The following ARV1 variants were observed in gnomAD, a reference collection of about 807,000 sequenced individuals.
ARV1 encodes the protein protein ARV1.
A neutral mutation model predicts 31.1 loss-of-function variants in ARV1; 26 were observed. The observed-to-expected ratio is 0.84, with a 90% CI of 0.61 to 1.16. ARV1 has a LOEUF of 1.16. Ranked by LOEUF, ARV1 falls within the 50% of genes most tolerant of loss-of-function variation. ARV1 has a pLI of 0.00. For missense variants in ARV1, 281 were observed against 324.9 expected (o/e 0.86, Z 1.04); for synonymous variants, 117 against 123.2 (o/e 0.95, Z 0.34).
chr1:230,983,111 C>T (rs11122177), intron 1 of ARV1, among the ~76,000 whole-genome samples: 55,402 of 151,888 alleles, frequency 0.36, 10,406 homozygotes, highest in Middle Eastern at 0.6. Context: ...ATTATAAGTA[C>T]GCTTAAAGAT....
chr1:230,998,745 GAAAA>G (rs75089395), intron 5 of ARV1, among the ~76,000 whole-genome samples: 1 of 135,746 alleles, frequency 7.4e-6, no homozygotes, highest in Non-Finnish European at 1.6e-5. Context: ...ATCTTTACAG[GAAAA>G]AAAAAAAAAA....
At chr1:230,999,376 T>C (rs962598388) in intron 5 of ARV1, among the ~76,000 whole-genome samples, 1 of 152,208 alleles carries the variant, frequency 6.6e-6, no homozygotes, top group African/African-American at 2.4e-5. Flanking sequence ...CTGCAACCCA[T>C]ACTGCTGCCA....
At chr1:230,993,725 T>C (rs1679290488) in intron 3 of ARV1, among the ~76,000 whole-genome samples, 1 of 152,022 alleles carries the variant, frequency 6.6e-6, no homozygotes, top group Admixed American at 6.6e-5. Flanking sequence ...CAATATTCTG[T>C]CTCTACAAAA....
intron 2 of ARV1, among the ~76,000 whole-genome samples, chr1:230,989,076 T>C (rs188067850): frequency 4.6e-5 from 7 of 152,344 alleles, no homozygotes. Flanking sequence ...AACATACTTA[T>C]ACAATAAAAA....
chr1:230,986,631 G>A (rs1183200363), intron 1 of ARV1, among the ~76,000 whole-genome samples: 2 of 129,944 alleles, frequency 1.5e-5, no homozygotes, highest in East Asian at 5.0e-4. Flanking sequence ...ACACGTTTCT[G>A]TTCGTGCCTT....
chr1:230,997,138 C>G lies in ARV1; in HGVS notation c.691C>G (p.Arg231Gly). 6.2e-7 allele frequency: 1 copy of G among 1,614,052 alleles called. No homozygotes were observed. Reference sequence around the variant, plus strand: ...CTTTCCAGTGACCCTAAACATCAACCGTAAGCTCTCCTTCTTGGCCGTGTT... The same window carrying G: ...CTTTCCAGTGACCCTAAACATCAACGGTAAGCTCTCCTTCTTGGCCGTGTT... ...QAIRVTLNINRKLSFLAVLSG... is the reference protein window; with the variant it reads ...QAIRVTLNINGKLSFLAVLSG... The change falls in exon 5 of 6, where the codon CGT becomes GGT. Residue 231 changes from arginine (R) to glycine (G), a missense_variant. By Grantham distance (125) the Arg-to-Gly change is moderately radical. Coordinates refer to ENST00000310256, the MANE Select transcript of ARV1 (RefSeq NM_022786.3).
At chr1:230,981,952 T>C (rs1678922262) in intron 1 of ARV1, among the ~76,000 whole-genome samples, 4 of 152,098 alleles carry the variant, frequency 2.6e-5, no homozygotes, top group African/African-American at 9.7e-5. Flanking sequence ...TCTCAGAGAG[T>C]CTACTCTGAC....
At chr1:230,984,215 A>C (rs1156516822) in intron 1 of ARV1, among the ~76,000 whole-genome samples, 1 of 152,180 alleles carries the variant, frequency 6.6e-6, no homozygotes, top group East Asian at 1.9e-4. Context: ...CTGCCACTGC[A>C]CTCCAGGCCT....
intron 3 of ARV1, among the ~76,000 whole-genome samples, chr1:230,993,628 C>T (rs1679288255): frequency 6.6e-6 from 1 of 152,136 alleles, no homozygotes; most frequent in Non-Finnish European, 1.5e-5. Flanking sequence ...GGCGTGGTAC[C>T]TCACACCTGT....
At chr1:230,999,201 A>G (rs1416176990) in intron 5 of ARV1, among the ~76,000 whole-genome samples, 2 of 152,124 alleles carry the variant, frequency 1.3e-5, no homozygotes, top group Non-Finnish European at 2.9e-5. Context: ...CGGTCCTGCC[A>G]TTACCTCAAG....
intron 3 of ARV1, among the ~76,000 whole-genome samples, chr1:230,993,145 C>T (rs1421438502): frequency 1.3e-5 from 2 of 152,114 alleles, no homozygotes; most frequent in Non-Finnish European, 2.9e-5. Flanking sequence ...GGCTAGGGTG[C>T]AGTGGCACAG....
intron 1 of ARV1, among the ~76,000 whole-genome samples, chr1:230,987,348 A>G (rs1203619349): frequency 6.6e-6 from 1 of 152,272 alleles, no homozygotes; most frequent in Non-Finnish European, 1.5e-5. Context: ...AAACTGCAGA[A>G]AGCAAAACTG....
chr1:230,986,666 CTATTTTTTTTTTTTTTTTTTTTTTT>C (rs1405588967), intron 1 of ARV1, among the ~76,000 whole-genome samples: 2 of 79,690 alleles, frequency 2.5e-5, no homozygotes, highest in African/African-American at 8.7e-5. Flanking sequence ...AATACTTTTC[CTATTTTTTTTTTTTTTTTTTTTTTT>C]TTTTTTTTTT....
At chr1:230,989,821 A>G (rs1054472121) in intron 2 of ARV1, among the ~76,000 whole-genome samples, 1 of 152,224 alleles carries the variant, frequency 6.6e-6, no homozygotes, top group African/African-American at 2.4e-5. Flanking sequence ...GCACATTAGA[A>G]TCCCCCCAGA....
At chr1:230,998,976 C>T (rs1679453483) in intron 5 of ARV1, among the ~76,000 whole-genome samples, 1 of 152,166 alleles carries the variant, frequency 6.6e-6, no homozygotes, top group Non-Finnish European at 1.5e-5. Flanking sequence ...CCTCCCTTAG[C>T]TCTGCTCCAG....
chr1:230,995,081 TA>T (rs1330456904), intron 3 of ARV1, among the ~76,000 whole-genome samples: 3 of 152,160 alleles, frequency 2.0e-5, no homozygotes, highest in African/African-American at 7.2e-5. Context: ...ACAATCCTAA[TA>T]AAAATTACAG....
intron 1 of ARV1, among the ~76,000 whole-genome samples, chr1:230,985,190 C>A (rs1679031249): frequency 6.6e-6 from 1 of 151,786 alleles, no homozygotes; most frequent in Admixed American, 6.6e-5. Context: ...TTAATGACTT[C>A]TCAGCATTTA....
At chr1:230,998,601 A>G (rs2103058712) in intron 5 of ARV1, among the ~76,000 whole-genome samples, 1 of 152,106 alleles carries the variant, frequency 6.6e-6, no homozygotes, top group East Asian at 1.9e-4. Context: ...TCTTGAACCT[A>G]TGCTCCTAAA....
intron 3 of ARV1, among the ~76,000 whole-genome samples, chr1:230,994,006 T>A (rs768748219): frequency 2.6e-5 from 4 of 152,210 alleles, no homozygotes; most frequent in Non-Finnish European, 5.9e-5. Flanking sequence ...AGGTTAGGGG[T>A]TCCCCCATCT....
Sources: allele counts gnomAD v4.1 joint callset (sites outside exome capture counted in the v4.1 genomes callset), GRCh38; gene constraint gnomAD v4.1.1; transcripts MANE v1.5; gene names NCBI Gene and HGNC (gene_info 2026-07-23, HGNC 2026-07-21).